Variants in STAB2 observed in about 807,000 individuals in gnomAD.
The protein encoded by STAB2 is stabilin-2.
Under a neutral mutation model 338.1 loss-of-function variants are expected in STAB2, and 288 were observed. The ratio of observed to expected loss-of-function variants is 0.85; its 90% CI spans 0.77 to 0.94. STAB2 has a LOEUF of 0.94. Among genes scored for constraint, STAB2 ranks in the 40% least tolerant of loss-of-function variants. The pLI is 0.00. For missense variants in STAB2, 3,141 were observed against 3,210.1 expected (o/e 0.98, Z 0.52); for synonymous variants, 1,202 against 1,193.3 (o/e 1.01, Z -0.15).
rs148178447 is a variant in STAB2, at chr12:103,617,057, G to T, written c.332-3411G>T. 4.9e-3 allele frequency among the ~76,000 whole-genome samples: 743 copies of T among 152,264 alleles called. 7 individuals carry two copies. The highest frequency in any genetic ancestry group is 0.017 in the African/African-American group (702 of 41,548). ...CTTCATGATCTAGCTTTTGCCATCT[G>T]TTGAGATCAGATCTAAACCAACTGG... On this transcript the variant is annotated intron_variant, in intron 3 of 68. Coordinates refer to ENST00000388887, the MANE Select transcript of STAB2 (RefSeq NM_017564.10).
intron 11 of STAB2, among the ~76,000 whole-genome samples, chr12:103,651,279 C>T (rs985022898): frequency 6.6e-6 from 1 of 151,456 alleles, no homozygotes; most frequent in Non-Finnish European, 1.5e-5. Flanking sequence ...CCCACCTTTA[C>T]CATCTAACAT....
chr12:103,664,310 A>T (rs1041033422), intron 18 of STAB2, among the ~76,000 whole-genome samples: 1 of 151,816 alleles, frequency 6.6e-6, no homozygotes, highest in Non-Finnish European at 1.5e-5. Context: ...CGCCCGGCTA[A>T]TTTTTTTGTA....
intron 61 of STAB2, among the ~76,000 whole-genome samples, chr12:103,754,450 C>T (rs1883935661): frequency 6.6e-6 from 1 of 152,012 alleles, no homozygotes; most frequent in African/African-American, 2.4e-5. Context: ...GGATTTAAAA[C>T]GTTCCCACCT....
At chr12:103,719,544 G>A (rs1326615884) in intron 44 of STAB2, among the ~76,000 whole-genome samples, 2 of 152,176 alleles carry the variant, frequency 1.3e-5, no homozygotes, top group African/African-American at 4.8e-5. Context: ...TCCAGCTTCT[G>A]GTGACTCCAG....
intron 51 of STAB2, 59 bp from the exon 52 acceptor site, chr12:103,735,432 G>A (rs781283554): frequency 9.8e-6 from 13 of 1,323,418 alleles, no homozygotes; most frequent in South Asian, 2.9e-5. Context: ...AAGCTCCTTC[G>A]GGCCGTCCCT....
At chr12:103,744,858 C>T (rs111985170) in intron 56 of STAB2, among the ~76,000 whole-genome samples, 76 of 152,248 alleles carry the variant, frequency 5.0e-4, no homozygotes, top group African/African-American at 1.8e-3. Context: ...CCCCATGATA[C>T]TCTCTACTGT....
In STAB2 at chr12:103,648,928, GA is replaced by G; in HGVS notation, c.1174+107del. On this transcript the variant is annotated intron_variant, in intron 10 of 68. Transcript: ENST00000388887. ...AGGGACAGGCGAGCCTTGTCTATTA[GA>G]ATCAGCCTTTTTGGAGGGGTCATGC... 4.0e-6 allele frequency: 6 copies of G among 1,487,006 alleles called. No individual in the cohort carries two copies. In the South Asian group the frequency reaches 8.2e-5, roughly 20 times the overall value. 92.1% of individuals were successfully genotyped at this position (1,487,006 alleles called of 1,614,324 possible).
intron 2 of STAB2, among the ~76,000 whole-genome samples, chr12:103,592,569 A>G (rs1265442278): frequency 6.6e-6 from 1 of 152,182 alleles, no homozygotes; most frequent in South Asian, 2.1e-4. Flanking sequence ...TTACTGACAT[A>G]CAAAAACCTG....
At chr12:103,591,321 C>A (rs1956794913) in intron 2 of STAB2, among the ~76,000 whole-genome samples, 1 of 151,940 alleles carries the variant, frequency 6.6e-6, no homozygotes, top group Non-Finnish European at 1.5e-5. Flanking sequence ...CTCATCTCTA[C>A]TAAAAATACA....
In STAB2 at chr12:103,706,924, G is replaced by A. The variant is rs756979916; in HGVS notation, c.4129G>A (p.Gly1377Ser). The change falls in exon 38 of 69, where the codon GGC (glycine) becomes AGC (serine). Residue 1377 changes from glycine (G) to serine (S), a missense_variant. Gly to Ser is a moderately conservative substitution (Grantham distance 56). Transcript: ENST00000388887. ...NGTGVCECGE[G>S]FSGTACETCT... ...CACAGGTGTGTGTGAGTGTGGGGAG[G>A]GCTTCAGCGGCACAGCCTGCGAGAC... is the stretch of plus-strand genomic sequence containing the variant. 3.7e-6 allele frequency: 6 copies of A among 1,614,198 alleles called. No homozygotes were observed. The highest frequency in any genetic ancestry group is 4.2e-6 in the Non-Finnish European group (5 of 1,180,034).
intron 53 of STAB2, among the ~76,000 whole-genome samples, chr12:103,738,968 TTTGTTG>T (rs80194811): frequency 6.6e-6 from 1 of 151,738 alleles, no homozygotes; most frequent in Admixed American, 6.6e-5. Flanking sequence ...GTTGATATTC[TTTGTTG>T]TTGTTGTTGT....
At chr12:103,630,405 A>G (rs1191823056) in intron 5 of STAB2, among the ~76,000 whole-genome samples, 1 of 152,224 alleles carries the variant, frequency 6.6e-6, no homozygotes, top group Non-Finnish European at 1.5e-5. Flanking sequence ...GTTTCATTTG[A>G]GCTAACATTA....
intron 15 of STAB2, among the ~76,000 whole-genome samples, chr12:103,658,333 A>G (rs1423414012): frequency 6.6e-6 from 1 of 152,180 alleles, no homozygotes; most frequent in Non-Finnish European, 1.5e-5. Context: ...CAACAACGAC[A>G]GCTCCTGGAA....
chr12:103,660,793 C>A, intron 17 of STAB2, 30 bp downstream of exon 17: 1 of 1,597,624 alleles, frequency 6.3e-7, no homozygotes, highest in South Asian at 1.1e-5. Flanking sequence ...CCACCAGCAT[C>A]ACTTGAACAC....
chr12:103,691,769 T>C (rs527526940), intron 30 of STAB2, among the ~76,000 whole-genome samples: 1 of 152,284 alleles, frequency 6.6e-6, no homozygotes, highest in African/African-American at 2.4e-5. Flanking sequence ...CAGGAGGGTT[T>C]TCTTCAGGTC....
chr12:103,734,366 CAA>C (rs1408397229), intron 51 of STAB2, among the ~76,000 whole-genome samples: 2 of 150,002 alleles, frequency 1.3e-5, no homozygotes, highest in Non-Finnish European at 3.0e-5. Flanking sequence ...CTCATAGGAA[CAA>C]GAGCGATCAT....
chr12:103,688,038 G>A, intron 27 of STAB2, 130 bp from the exon 28 acceptor site: 1 of 834,814 alleles, frequency 1.2e-6, no homozygotes, highest in South Asian at 1.5e-5. Flanking sequence ...AGGCAGGCCA[G>A]GACAACGAGC....
chr12:103,766,272 CCT>C lies in STAB2; in HGVS notation c.7606-9_7606-8del, dbSNP rs767992367. ...ACAGAATGCCCTGCCCCCTTACAAC[CCT>C]CTCTTTTCCAGGACTCTGAAGAACG... On this transcript the variant is annotated splice_polypyrimidine_tract_variant and intron_variant, in intron 68 of 68. Transcript: ENST00000388887. 1.2e-6 allele frequency: 2 copies of C among 1,613,858 alleles called. No individual in the cohort carries two copies. The highest frequency in any genetic ancestry group is 1.3e-5 in the African/African-American group (1 of 74,812).
Position 103,737,809 on chromosome 12 carries a change from G to C in STAB2, c.5697+29G>C, listed in dbSNP as rs202208984. The C allele has an allele frequency of 6.8e-6, 11 of 1,612,718 alleles. No homozygotes were observed. The Admixed American group carries it at 1.8e-4, about 27-fold the overall frequency. ...AGTCCTAAAAACAACAGTGTAGTAA[G>C]AGAACCTTAAGCCAAAGAATGGCCC... On this transcript the variant is annotated intron_variant, in intron 53 of 68. Coordinates refer to ENST00000388887, the MANE Select transcript of STAB2 (RefSeq NM_017564.10).
Sources: gnomAD v4.1 joint callset for allele counts (sites outside exome capture counted in the v4.1 genomes callset) on GRCh38, gnomAD v4.1.1 for gene constraint, MANE v1.5 for transcripts, NCBI Gene and HGNC (gene_info 2026-07-23, HGNC 2026-07-21) for gene names.